FAM178B: variants seen among roughly 807,000 people sequenced by gnomAD.
The protein encoded by FAM178B is protein FAM178B.
A neutral mutation model predicts 91.7 loss-of-function variants in FAM178B; 82 were observed. The observed-to-expected ratio is 0.89, with a 90% CI of 0.75 to 1.07. The LOEUF (loss-of-function observed/expected upper bound fraction) is 1.07. Ranked by LOEUF, FAM178B falls within the 50% of genes least tolerant of loss-of-function variation. The pLI, the probability that FAM178B is intolerant of heterozygous loss-of-function variation, is 0.00. For missense variants in FAM178B, 769 were observed against 846.7 expected, an observed-to-expected ratio of 0.91 and a Z score of 1.14; for synonymous variants, 368 against 359.4, an observed-to-expected ratio of 1.02 and a Z score of -0.27.
intron 12 of FAM178B, 70 bp from the exon 13 acceptor site, chr2:96,902,777 C>G (rs1006216046): frequency 8.4e-7 from 1 of 1,193,182 alleles, no homozygotes; most frequent in African/African-American, 1.5e-5. Flanking sequence ...GGGCAGGATA[C>G]CCATGGAGAG....
intron 1 of FAM178B, among the ~76,000 whole-genome samples, chr2:96,973,743 G>A (rs2082253653): frequency 6.6e-6 from 1 of 152,154 alleles, no homozygotes; most frequent in Non-Finnish European, 1.5e-5. Flanking sequence ...GCTCACATCT[G>A]TAATCCCAGC....
intron 8 of FAM178B, among the ~76,000 whole-genome samples, chr2:96,945,239 C>G (rs1287228821): frequency 6.6e-6 from 1 of 152,190 alleles, no homozygotes; most frequent in South Asian, 2.1e-4. Context: ...TGTTGCTTCT[C>G]AATCCAGGAA....
chr2:96,967,681 A>G (rs2153375463), intron 4 of FAM178B, 54 bp from the exon 5 acceptor site: 1 of 1,243,800 alleles, frequency 8.0e-7, no homozygotes, highest in Non-Finnish European at 1.1e-6. Context: ...CCATCGTGCA[A>G]CCCTGTCACT....
chr2:96,968,569 C>T (rs2082176613), intron 4 of FAM178B, among the ~76,000 whole-genome samples: 4 of 152,140 alleles, frequency 2.6e-5, no homozygotes, highest in Admixed American at 2.0e-4. Context: ...TGCTAGCCAG[C>T]CACTCACTGA....
At chr2:96,955,649 C>A (rs972775211) in intron 6 of FAM178B, among the ~76,000 whole-genome samples, 1 of 152,208 alleles carries the variant, frequency 6.6e-6, no homozygotes, top group African/African-American at 2.4e-5. Context: ...CATTGCACTG[C>A]AGCCTGGGCA....
intron 12 of FAM178B, among the ~76,000 whole-genome samples, chr2:96,919,859 G>A (rs2081303529): frequency 6.6e-6 from 1 of 152,196 alleles, no homozygotes; most frequent in Non-Finnish European, 1.5e-5. Flanking sequence ...GAAAGAGATG[G>A]GACTGCCTGC....
chr2:96,977,384 CA>C (rs754852439), intron 1 of FAM178B, among the ~76,000 whole-genome samples: 447 of 24,510 alleles, frequency 0.018, 3 homozygotes, highest in African/African-American at 0.039. Flanking sequence ...GACTCCGTCT[CA>C]AAAAAAAAAA....
chr2:96,895,138 T>C lies in FAM178B; in HGVS notation c.1651-1087A>G. On this transcript the variant is annotated intron_variant, in intron 13 of 16. Transcript: ENST00000490605. Reference sequence around the variant, plus strand: ...CTGCCTTCCACTCCCCTTCCCGCTCTTTTCCTTCCAGGGGATTTTAAAGCA... The same window carrying C: ...CTGCCTTCCACTCCCCTTCCCGCTCCTTTCCTTCCAGGGGATTTTAAAGCA... 6 of 1,287,020 alleles carry C rather than the reference T, an allele frequency of 4.7e-6. No individual in the cohort carries two copies. The South Asian group carries it at 7.4e-5, about 16-fold the overall frequency. 79.7% of individuals were successfully genotyped at this position (1,287,020 alleles called of 1,614,324 possible).
chr2:96,985,214 A>T (rs781573882), intron 1 of FAM178B, among the ~76,000 whole-genome samples: 1 of 151,992 alleles, frequency 6.6e-6, no homozygotes, highest in Non-Finnish European at 1.5e-5. Flanking sequence ...TAACTTTGTT[A>T]TCTCTTTCCC....
chr2:96,929,399 C>T (rs182607025), intron 8 of FAM178B, 79 bp from the exon 9 acceptor site: 22 of 1,043,650 alleles, frequency 2.1e-5, no homozygotes, highest in African/African-American at 8.0e-5. Flanking sequence ...AGGGGCTGGC[C>T]GTGACCCCTG....
rs541669395 is a variant in FAM178B, at chr2:96,966,024, C to T, written c.734+1496G>A. Among the ~76,000 whole-genome samples, 4 of 152,078 alleles carry T rather than the reference C, an allele frequency of 2.6e-5. No individual in the cohort carries two copies. In the South Asian group the frequency reaches 6.2e-4, roughly 24 times the overall value. ...CCTCCCTCCTGCCCTGGCCTCCACA[C>T]CTAACTGGTCTATCCTCAACACAGC... On this transcript the variant is annotated intron_variant, in intron 5 of 16. Coordinates refer to ENST00000490605, the MANE Select transcript of FAM178B (RefSeq NM_001122646.3).
chr2:96,984,383 T>C (rs2082398611), intron 1 of FAM178B, among the ~76,000 whole-genome samples: 1 of 152,162 alleles, frequency 6.6e-6, no homozygotes, highest in Non-Finnish European at 1.5e-5. Flanking sequence ...ATGCTGAGCA[T>C]TGGGACCTCA....
In FAM178B at chr2:96,986,526, G is replaced by A. The variant is rs373594394; in HGVS notation, c.-213C>T. ...GGATTGAGTTCCGACTCCAAACCAA[G>A]CGGCCAGCTCACAGCCGCCGCCGCC... On this transcript the variant is annotated 5_prime_UTR_variant, in exon 1 of 17. Transcript: ENST00000490605. 8.4e-6 allele frequency: 5 copies of A among 596,520 alleles called. No individual in the cohort carries two copies. The South Asian group carries it at 1.0e-4, about 12-fold the overall frequency. 37.0% of individuals were successfully genotyped at this position (596,520 alleles called of 1,614,324 possible). A position where few individuals can be genotyped will look rare whatever the true frequency, so the allele number is the denominator to read the frequency against.
intron 5 of FAM178B, among the ~76,000 whole-genome samples, chr2:96,962,587 C>T (rs1234364218): frequency 1.3e-5 from 2 of 152,076 alleles, no homozygotes; most frequent in Non-Finnish European, 2.9e-5. Flanking sequence ...AGTCCTGAGG[C>T]GACTCTTATA....
intron 5 of FAM178B, among the ~76,000 whole-genome samples, chr2:96,966,450 A>G (rs1414485170): frequency 1.3e-5 from 2 of 152,148 alleles, no homozygotes; most frequent in African/African-American, 4.8e-5. Flanking sequence ...CCCTTGCAGC[A>G]CAACTTCACT....
intron 15 of FAM178B, 141 bp downstream of exon 15, chr2:96,878,275 C>T (rs951362522): frequency 5.9e-5 from 52 of 883,962 alleles, no homozygotes; most frequent in Non-Finnish European, 7.8e-5. Flanking sequence ...CCTGGCTCTC[C>T]CACGCTGGCT....
intron 5 of FAM178B, among the ~76,000 whole-genome samples, chr2:96,965,300 T>C (rs554558032): frequency 6.6e-6 from 1 of 152,120 alleles, no homozygotes; most frequent in South Asian, 2.1e-4. Flanking sequence ...AGAGCCACCA[T>C]GCTCTGCCCT....
At chr2:96,893,905 G>A (rs1208249321) in intron 14 of FAM178B, 21 bp downstream of exon 14, 8 of 1,606,418 alleles carry the variant, frequency 5.0e-6, no homozygotes, top group East Asian at 2.2e-5. Context: ...GGAGGCAGGC[G>A]GGTGCTGGGT....
chr2:96,978,628 CTT>C (rs70964892), intron 1 of FAM178B, among the ~76,000 whole-genome samples: 231 of 134,568 alleles, frequency 1.7e-3, no homozygotes, highest in Middle Eastern at 7.6e-3. Context: ...ATGATTTCTT[CTT>C]TTTTTTTTTT....
Sources: gnomAD v4.1 joint callset for allele counts (sites outside exome capture counted in the v4.1 genomes callset) on GRCh38, gnomAD v4.1.1 for gene constraint, MANE v1.5 for transcripts, NCBI Gene and HGNC (gene_info 2026-07-23, HGNC 2026-07-21) for gene names.